Variants in SOX5 observed in about 807,000 individuals in gnomAD.
SOX5 encodes the protein transcription factor SOX-5.
In SOX5, 9 loss-of-function variants were observed where a neutral mutation model predicts 92.0. The observed-to-expected ratio is 0.10, with a 90% confidence interval of 0.06 to 0.17. SOX5 has a LOEUF of 0.17. SOX5 is among the 10% of genes least tolerant of loss of function. The pLI, the probability that SOX5 is intolerant of heterozygous loss-of-function variation, is 1.00. For missense variants in SOX5, 642 were observed against 944.5 expected, an observed-to-expected ratio of 0.68 and a Z score of 4.20; for synonymous variants, 344 against 336.3, an observed-to-expected ratio of 1.02 and a Z score of -0.25.
chr12:24,319,411 T>C (rs1223206957), intron 2 of SOX5, among the ~76,000 whole-genome samples: 2 of 152,212 alleles, frequency 1.3e-5, no homozygotes. Flanking sequence ...ACAAGTCACC[T>C]ATTTTTCGAA....
At chr12:24,062,724 A>G (rs566462171) in intron 4 of SOX5, among the ~76,000 whole-genome samples, 1 of 152,346 alleles carries the variant, frequency 6.6e-6, no homozygotes, top group Admixed American at 6.5e-5. Context: ...TGAAGGAAGT[A>G]TCCAGGCTAG....
In SOX5 at chr12:23,947,474, C is replaced by A. The variant is rs542901889; in HGVS notation, c.38+2090G>T. Among the ~76,000 whole-genome samples the A allele has an allele frequency of 1.5e-3, 233 of 151,918 alleles. 2 individuals carry two copies. Among genetic ancestry groups the A allele is most frequent in the African/African-American group, 5.5e-3 (230 of 41,508 alleles). On this transcript the variant is annotated intron_variant, in intron 1 of 14. Transcript: ENST00000451604. ...TCATGCATGGGTGCCTATAGAGACACTCACCCGTACAAATTCAATGTAAAC... is the reference window on the plus strand; with the variant it reads ...TCATGCATGGGTGCCTATAGAGACAATCACCCGTACAAATTCAATGTAAAC...
At chr12:23,961,515 G>A (rs1362668974) in intron 4 of SOX5, among the ~76,000 whole-genome samples, 1 of 151,946 alleles carries the variant, frequency 6.6e-6, no homozygotes, top group Non-Finnish European at 1.5e-5. Flanking sequence ...ATTACTCTTG[G>A]AGTATCTTCC....
At chr12:24,292,256 A>G (rs966393729) in intron 2 of SOX5, among the ~76,000 whole-genome samples, 1 of 152,222 alleles carries the variant, frequency 6.6e-6, no homozygotes, top group Non-Finnish European at 1.5e-5. Context: ...ACTCAGTCTC[A>G]TCAAATTGAG....
At chr12:24,557,819 T>C (rs1232947938) in intron 1 of SOX5, among the ~76,000 whole-genome samples, 2 of 152,214 alleles carry the variant, frequency 1.3e-5, no homozygotes, top group African/African-American at 2.4e-5. Context: ...AATGGACTTA[T>C]ACTTGTAGAA....
chr12:23,619,677 G>T (rs908831925), intron 8 of SOX5, among the ~76,000 whole-genome samples: 1 of 152,122 alleles, frequency 6.6e-6, no homozygotes, highest in Non-Finnish European at 1.5e-5. Context: ...TGCAGAACAA[G>T]AAAGAAATGT....
chr12:23,531,230 C>T lies in SOX5; in HGVS notation c.*2989G>A, dbSNP rs144157383. 1 of 152,260 alleles carries T rather than the reference C, an allele frequency of 6.6e-6. No homozygotes were observed. The highest frequency in any genetic ancestry group is 1.9e-4 in the East Asian group (1 of 5,176). 9.4% of individuals were successfully genotyped at this position (152,260 alleles called of 1,614,324 possible). On this transcript the variant is annotated 3_prime_UTR_variant, in exon 15 of 15. Coordinates refer to ENST00000451604, the MANE Select transcript of SOX5 (RefSeq NM_006940.6). ...AACAGAATGCAGCGGTATGAACTTG[C>T]TTTTTGTTTCGGTTCATGCACAGTT...
At chr12:23,606,621 A>T (rs2075290691) in intron 8 of SOX5, among the ~76,000 whole-genome samples, 1 of 152,008 alleles carries the variant, frequency 6.6e-6, no homozygotes, top group African/African-American at 2.4e-5. Context: ...TTTAAATATT[A>T]GGCACCAGAG....
At chr12:23,674,466 T>C (rs2085336254) in intron 6 of SOX5, among the ~76,000 whole-genome samples, 1 of 151,268 alleles carries the variant, frequency 6.6e-6, no homozygotes. Flanking sequence ...GCCTCCAGAG[T>C]AGCTGGGATC....
At chr12:23,779,534 T>C (rs2095214495) in intron 3 of SOX5, among the ~76,000 whole-genome samples, 1 of 151,562 alleles carries the variant, frequency 6.6e-6, no homozygotes, top group Admixed American at 6.6e-5. Flanking sequence ...TGCGAAGATA[T>C]CTGTGATTTT....
At chr12:23,897,051 A>AT (rs2097184599) in intron 1 of SOX5, among the ~76,000 whole-genome samples, 1 of 152,164 alleles carries the variant, frequency 6.6e-6, no homozygotes, top group Non-Finnish European at 1.5e-5. Context: ...AAAATATTTA[A>AT]TTTAAAAAAC....
intron 3 of SOX5, among the ~76,000 whole-genome samples, chr12:23,779,113 AT>A (rs2095199511): frequency 6.6e-6 from 1 of 152,166 alleles, no homozygotes. Flanking sequence ...TCCATGGTGG[AT>A]TCTAATGTTT....
At chr12:23,903,627 C>T (rs1295932174) in intron 1 of SOX5, among the ~76,000 whole-genome samples, 1 of 152,168 alleles carries the variant, frequency 6.6e-6, no homozygotes, top group Non-Finnish European at 1.5e-5. Flanking sequence ...ATTGCATCTT[C>T]TGAAGGGAAC....
In SOX5 at chr12:23,543,392, C is replaced by T. The variant is rs1244344929; in HGVS notation, c.1598-8G>A. 1 of 1,610,400 alleles carries T rather than the reference C, an allele frequency of 6.2e-7. No individual in the cohort carries two copies. The highest frequency in any genetic ancestry group is 8.5e-7 in the Non-Finnish European group (1 of 1,177,422). The stretch of plus-strand genomic sequence containing the variant: ...CTGAGACTCCAGCACTTCCTGAAAA[C>T]AGGAAACATCACTTCGTGTTAGCGT... On this transcript the variant is annotated splice_polypyrimidine_tract_variant and splice_region_variant and intron_variant, in intron 12 of 14. Coordinates refer to ENST00000451604, the MANE Select transcript of SOX5 (RefSeq NM_006940.6).
At chr12:24,368,184 A>G (rs1956358012) in intron 2 of SOX5, 2 of 152,330 alleles carry the variant, frequency 1.3e-5, no homozygotes, top group African/African-American at 4.8e-5. Context: ...AGAAGAGTCA[A>G]TGTTTTATGT....
Position 23,608,792 on chromosome 12 carries a change from G to T in SOX5, c.1018-4259C>A, listed in dbSNP as rs948528930. ...CTCAGGAAAGCACATGGTAAAGAAT[G>T]CCTGATCAATAAAAAATAGTTATAA... On this transcript the variant is annotated intron_variant, in intron 8 of 14. Coordinates refer to ENST00000451604, the MANE Select transcript of SOX5 (RefSeq NM_006940.6). Among the ~76,000 whole-genome samples, 3 of 152,148 alleles carry T rather than the reference G, an allele frequency of 2.0e-5. No individual in the cohort carries two copies. The South Asian group carries it at 6.2e-4, about 31-fold the overall frequency.
intron 4 of SOX5, among the ~76,000 whole-genome samples, chr12:24,133,811 T>A (rs1383630825): frequency 1.3e-5 from 2 of 152,162 alleles, no homozygotes; most frequent in Non-Finnish European, 2.9e-5. Context: ...TATAACCCAA[T>A]TAAAAAGAAA....
chr12:24,502,597 A>G (rs1948325782), intron 1 of SOX5, among the ~76,000 whole-genome samples: 1 of 152,214 alleles, frequency 6.6e-6, no homozygotes, highest in Non-Finnish European at 1.5e-5. Context: ...CTCCATGAGA[A>G]TGCTACCATA....
chr12:24,511,617 G>T (rs991517646), intron 1 of SOX5, among the ~76,000 whole-genome samples: 8 of 152,112 alleles, frequency 5.3e-5, no homozygotes, highest in Non-Finnish European at 1.2e-4. Context: ...TATTTAGGAG[G>T]TTGCTCAATA....
Sources: gnomAD v4.1 joint callset for allele counts (sites outside exome capture counted in the v4.1 genomes callset) on GRCh38, gnomAD v4.1.1 for gene constraint, MANE v1.5 for transcripts, NCBI Gene and HGNC (gene_info 2026-07-23, HGNC 2026-07-21) for gene names.